GANC: variants seen among roughly 807,000 people sequenced by gnomAD.
GANC encodes the protein glucosidase alpha, neutral C.
In GANC, 117 loss-of-function variants were observed where a neutral mutation model predicts 124.2. The observed-to-expected ratio is 0.94, with a 90% CI of 0.81 to 1.10. The LOEUF (loss-of-function observed/expected upper bound fraction) is 1.10. Ranked by LOEUF, GANC falls within the 50% of genes least tolerant of loss-of-function variation. GANC has a pLI of 0.00. For synonymous variants in GANC, 377 were observed against 376.8 expected (o/e 1.00, Z -0.01); for missense variants, 1,140 against 1,095.0 (o/e 1.04, Z -0.58).
chr15:42,284,102 A>T (rs1028964044), intron 3 of GANC: 1 of 652,522 alleles, frequency 1.5e-6, no homozygotes, highest in African/African-American at 1.8e-5. Context: ...AGTTCTTTAC[A>T]TAACAGTGAA....
chr15:42,321,911 T>C lies in GANC; in HGVS notation c.1184T>C (p.Met395Thr), dbSNP rs777779199. ...FDEHDIPYDA[M>T]WLDIEHTEGK... is the part of the protein sequence containing the mutation. ...GAGCATGACATTCCTTATGATGCCA[T>C]GTGGCTGGACATAGAGCACACTGAG... The change falls in exon 11 of 24, where the codon ATG becomes ACG. Residue 395 changes from methionine (M) to threonine (T), a missense_variant. Physicochemically the swap from Met to Thr is moderately conservative, Grantham distance 81. Coordinates refer to ENST00000318010, the MANE Select transcript of GANC (RefSeq NM_198141.3). 3 of 1,614,200 alleles carry C rather than the reference T, an allele frequency of 1.9e-6. No individual in the cohort carries two copies. Among genetic ancestry groups the C allele is most frequent in the East Asian group, 2.2e-5 (1 of 44,882 alleles).
chr15:42,339,072 C>T (rs975638379), intron 16 of GANC, among the ~76,000 whole-genome samples: 4 of 152,060 alleles, frequency 2.6e-5, no homozygotes, highest in African/African-American at 9.7e-5. Context: ...CTCTTTGTTT[C>T]CTGTAGGAGT....
intron 20 of GANC, 47 bp from the exon 21 acceptor site, chr15:42,348,056 T>G (rs759803292): frequency 9.5e-7 from 1 of 1,058,040 alleles, no homozygotes; most frequent in Non-Finnish European, 1.4e-6. Flanking sequence ...TACCTTGAAA[T>G]TTTCTTATAT....
chr15:42,342,629 G>T (rs1368705406), intron 18 of GANC, among the ~76,000 whole-genome samples: 1 of 151,936 alleles, frequency 6.6e-6, no homozygotes, highest in Non-Finnish European at 1.5e-5. Flanking sequence ...CAGCCTCTCT[G>T]ATGATAACTC....
At chr15:42,306,505 C>A (rs749957880) in intron 6 of GANC, 41 bp from the exon 7 acceptor site, 2 of 1,496,984 alleles carry the variant, frequency 1.3e-6, no homozygotes, top group Non-Finnish European at 1.8e-6. Context: ...ACATTTGTTG[C>A]AATTTGTAAA....
intron 10 of GANC, among the ~76,000 whole-genome samples, chr15:42,312,212 A>G (rs2052057260): frequency 6.6e-6 from 1 of 152,222 alleles, no homozygotes; most frequent in African/African-American, 2.4e-5. Flanking sequence ...TAGCCAAAAC[A>G]ATCCTTAAAA....
rs1274883216 is a variant in GANC at position 42,273,452 on chromosome 15, C to T, written c.-1030C>T. The T allele has an allele frequency of 1.9e-6, 3 of 1,605,758 alleles. No homozygotes were observed. The highest frequency in any genetic ancestry group is 2.5e-6 in the Non-Finnish European group (3 of 1,176,772). On this transcript the variant is annotated 5_prime_UTR_variant, in exon 1 of 24. Transcript: ENST00000318010. ...GCATTTCACCCTCTTCCGGTTCGTC[C>T]CGCCTTCTTCCGGCTCTGCTCTAAG...
Position 42,321,837 on chromosome 15 carries a change from G to T in GANC, c.1110G>T (p.Trp370Cys), listed in dbSNP as rs768739909. 6.2e-7 allele frequency: 1 copy of T among 1,614,204 alleles called. No individual in the cohort carries two copies. Among genetic ancestry groups the T allele is most frequent in the Non-Finnish European group, 8.5e-7 (1 of 1,180,022 alleles). Residue 370 changes from tryptophan to cysteine, a missense_variant, in exon 11 of 24, where the codon TGG (tryptophan) becomes TGT (cysteine). Transcript: ENST00000318010. ...LFSLGYHQCRWNYEDEQDVKA... is the reference protein window; with the variant it reads ...LFSLGYHQCRCNYEDEQDVKA... ...CTTTGGGATACCACCAGTGCCGCTG[G>T]AACTATGAAGATGAGCAGGATGTAA...
intron 10 of GANC, among the ~76,000 whole-genome samples, chr15:42,317,497 T>C (rs1284910969): frequency 6.6e-6 from 1 of 152,136 alleles, no homozygotes; most frequent in Non-Finnish European, 1.5e-5. Context: ...ACATGGTGAA[T>C]GTAATTAATG....
Position 42,306,593 on chromosome 15 carries a change from T to G in GANC, c.606T>G (p.Phe202Leu). The stretch of plus-strand genomic sequence containing the variant: ...TGTGGGAAGAGAAATTTGGAAAATT[T>G]GTGGATATCAAAGCTAATGGTAAAA... ...LGLWEEKFGK[F>L]VDIKANGPSS... Residue 202 changes from phenylalanine to leucine, a missense_variant, in exon 7 of 24, where the codon TTT becomes TTG. By Grantham distance (22) the Phe-to-Leu change is conservative. Transcript: ENST00000318010. 1 of 1,612,574 alleles carries G rather than the reference T, an allele frequency of 6.2e-7. No homozygotes were observed. The highest frequency in any genetic ancestry group is 8.5e-7 in the Non-Finnish European group (1 of 1,178,854).
chr15:42,287,853 T>C, intron 4 of GANC, 35 bp downstream of exon 4: 2 of 1,586,982 alleles, frequency 1.3e-6, no homozygotes, highest in Non-Finnish European at 1.7e-6. Context: ...AGAGACACGC[T>C]TGATATATTC....
In GANC at chr15:42,353,066, C is replaced by T. The variant is rs946907106; in HGVS notation, c.*927C>T. On this transcript the variant is annotated 3_prime_UTR_variant, in exon 24 of 24. Transcript: ENST00000318010. ...AAAATATTAAAATTTAAAATAAAGACAGGATTAGTATTACTGAGTTTTCCT... is the reference window on the plus strand; with the variant it reads ...AAAATATTAAAATTTAAAATAAAGATAGGATTAGTATTACTGAGTTTTCCT... The T allele has an allele frequency of 6.1e-5, 57 of 928,708 alleles. 1 individual carries two copies. The highest frequency in any genetic ancestry group is 7.1e-5 in the Non-Finnish European group (55 of 778,036). The allele number at this position is 928,708 out of a possible 1,614,324, so 57.5% of individuals were successfully genotyped here.
chr15:42,326,172 G>A, intron 11 of GANC, 126 bp from the exon 12 acceptor site: 1 of 678,556 alleles, frequency 1.5e-6, no homozygotes, highest in Non-Finnish European at 2.6e-6. Flanking sequence ...TTTTTTGTCT[G>A]AAATATTTCA....
At chr15:42,303,716 T>TA (rs1270523754) in intron 6 of GANC, among the ~76,000 whole-genome samples, 1 of 141,866 alleles carries the variant, frequency 7.0e-6, no homozygotes. Flanking sequence ...TAGTCTCTGA[T>TA]AAAACAGACT....
intron 19 of GANC, among the ~76,000 whole-genome samples, chr15:42,344,375 G>A (rs1188777195): frequency 2.0e-5 from 3 of 151,998 alleles, no homozygotes; most frequent in East Asian, 1.9e-4. Flanking sequence ...CTGCAGTCTC[G>A]CCTATCTTCA....
chr15:42,281,784 A>G (rs1403507960), intron 3 of GANC, among the ~76,000 whole-genome samples: 1 of 152,268 alleles, frequency 6.6e-6, no homozygotes, highest in Non-Finnish European at 1.5e-5. Context: ...CTGTACTAAT[A>G]AAGTGAATCC....
intron 10 of GANC, among the ~76,000 whole-genome samples, chr15:42,313,423 A>G (rs183717014): frequency 6.6e-6 from 1 of 152,264 alleles, no homozygotes; most frequent in Admixed American, 6.5e-5. Flanking sequence ...TGTGCATCAA[A>G]GAACATAAAG....
Position 42,321,819 on chromosome 15 carries a change from A to C in GANC, c.1092A>C (p.Gly364=). 1 of 1,614,196 alleles carries C rather than the reference A, an allele frequency of 6.2e-7. No homozygotes were observed. Among genetic ancestry groups the C allele is most frequent in the Non-Finnish European group, 8.5e-7 (1 of 1,180,022 alleles). ...TQAMPPLFSL[G]YHQCRWNYED... ...CCATGCCCCCTCTTTTCTCTTTGGGATACCACCAGTGCCGCTGGAACTATG... is the reference window on the plus strand; with the variant it reads ...CCATGCCCCCTCTTTTCTCTTTGGGCTACCACCAGTGCCGCTGGAACTATG... Residue 364 remains glycine, a synonymous_variant, in exon 11 of 24, where the codon GGA becomes GGC. Transcript: ENST00000318010.
intron 18 of GANC, among the ~76,000 whole-genome samples, chr15:42,342,503 G>A (rs2052334973): frequency 6.6e-6 from 1 of 152,038 alleles, no homozygotes; most frequent in South Asian, 2.1e-4. Context: ...GATTACATGA[G>A]CCCAGGAGTT....
Sources: gnomAD v4.1 joint callset for allele counts (sites outside exome capture counted in the v4.1 genomes callset) on GRCh38, gnomAD v4.1.1 for gene constraint, MANE v1.5 for transcripts, NCBI Gene and HGNC (gene_info 2026-07-23, HGNC 2026-07-21) for gene names.